The following MYBPC3 variants were observed in gnomAD, a reference collection of about 807,000 sequenced individuals.
MYBPC3 encodes the protein myosin-binding protein C, cardiac-type.
In MYBPC3, 108 loss-of-function variants were observed where a neutral mutation model predicts 159.3. The ratio of observed to expected loss-of-function variants is 0.68; its 90% CI spans 0.58 to 0.80. The LOEUF is 0.80. MYBPC3 is among the 30% of genes least tolerant of loss of function. The probability of loss-of-function intolerance (pLI) is 0.00; values close to 1 mark genes in which losing one functional copy is unlikely to be tolerated. For missense variants in MYBPC3, 1,631 were observed against 1,762.1 expected (o/e 0.93, Z 1.33); for synonymous variants, 730 against 702.0 (o/e 1.04, Z -0.63).
rs199669878 is a variant in MYBPC3 at position 47,332,658 on chromosome 11, C to T, written c.3535G>A (p.Glu1179Lys). ...PPNYKALDFSEAPSFTQPLVN... is the reference protein window; with the variant it reads ...PPNYKALDFSKAPSFTQPLVN... ...AGGGGCTGGGTGAAGCTTGGGGCCT[C>T]GGAGAAGTCCAGGGCCTTATAGTTG... Residue 1179 changes from glutamate (E) to lysine (K), a missense_variant, in exon 32 of 35, where the codon GAG becomes AAG. Physicochemically the swap from Glu to Lys is moderately conservative, Grantham distance 56. Coordinates refer to ENST00000545968, the MANE Select transcript of MYBPC3 (RefSeq NM_000256.3). The surrounding 1 kb of genome is among the most constrained non-coding windows in gnomAD (Gnocchi z 4.2). 445 of 1,613,518 alleles carry T rather than the reference C, an allele frequency of 2.8e-4. No homozygotes were observed. The highest frequency in any genetic ancestry group is 1.5e-3 in the South Asian group (133 of 91,052).
In MYBPC3 at chr11:47,332,756, C is replaced by A; in HGVS notation, c.3491-54G>T. On this transcript the variant is annotated intron_variant, in intron 31 of 34. Transcript: ENST00000545968. The surrounding 1 kb of genome is among the most constrained non-coding windows in gnomAD (Gnocchi z 4.2). ...GGGCCACACAAAGCTAGGCCCCTCT[C>A]CCTGTTCCCACAGCCTCCCTGCCCC... The A allele has an allele frequency of 6.3e-7, 1 of 1,584,752 alleles. No individual in the cohort carries two copies. The highest frequency in any genetic ancestry group is 2.3e-5 in the East Asian group (1 of 43,388).
Position 47,346,902 on chromosome 11 carries a change from CCT to C in MYBPC3, c.908+123_908+124del. The C allele has an allele frequency of 1.4e-6, 1 of 730,712 alleles. No homozygotes were observed. The highest frequency in any genetic ancestry group is 2.5e-6 in the Non-Finnish European group (1 of 402,688). The allele number at this position is 730,712 out of a possible 1,614,324, so 45.3% of individuals were successfully genotyped here. A position where few individuals can be genotyped will look rare whatever the true frequency, so the allele number is the denominator to read the frequency against. On this transcript the variant is annotated intron_variant, in intron 10 of 34. Coordinates refer to ENST00000545968, the MANE Select transcript of MYBPC3 (RefSeq NM_000256.3). The surrounding 1 kb of genome is among the most constrained non-coding windows in gnomAD (Gnocchi z 5.3). The stretch of plus-strand genomic sequence containing the variant: ...GAAGCCCAAGGCACAGAGACTCACC[CCT>C]GTCCGTGGGGAGCCGCACCCTGCTC...
rs1047978195 is a variant in MYBPC3 at position 47,342,129 on chromosome 11, A to T, written c.1652T>A (p.Ile551Asn). The T allele has an allele frequency of 6.2e-7, 1 of 1,613,856 alleles. No homozygotes were observed. The highest frequency in any genetic ancestry group is 1.3e-5 in the African/African-American group (1 of 74,920). ...QEKKLEVYQS[I>N]ADLMVGAKDQ... is the part of the protein sequence containing the mutation. The stretch of plus-strand genomic sequence containing the variant: ...CTTTGCGCCCACCATCAGGTCTGCG[A>T]TGCTCTGGTACACCTCCAGCTTCTT... Residue 551 changes from isoleucine to asparagine, a missense_variant, in exon 18 of 35, where the codon ATC becomes AAC. Coordinates refer to ENST00000545968, the MANE Select transcript of MYBPC3 (RefSeq NM_000256.3).
chr11:47,350,056 C>T lies in MYBPC3; in HGVS notation c.463G>A (p.Gly155Ser). 7 of 1,564,300 alleles carry T rather than the reference C, an allele frequency of 4.5e-6. No individual in the cohort carries two copies. Among genetic ancestry groups the T allele is most frequent in the Non-Finnish European group, 5.2e-6 (6 of 1,154,034 alleles). ...PTPGAPDDPIGLFVMRPQDGE... is the reference protein window; with the variant it reads ...PTPGAPDDPISLFVMRPQDGE... ...TCCTGTGGCCGCATCACGAAGAGGC[C>T]AATGGGGTCATCGGGGGCTCCAGGG... Residue 155 changes from glycine to serine, a missense_variant, in exon 4 of 35, where the codon GGC (glycine) becomes AGC (serine). Transcript: ENST00000545968.
In MYBPC3 at chr11:47,352,675, G is replaced by C. The variant is rs1424383393; in HGVS notation, c.-28C>G. 1.3e-6 allele frequency: 2 copies of C among 1,577,838 alleles called. No homozygotes were observed. The highest frequency in any genetic ancestry group is 3.6e-5 in the Admixed American group (2 of 54,998). On this transcript the variant is annotated 5_prime_UTR_variant, in exon 1 of 35. Coordinates refer to ENST00000545968, the MANE Select transcript of MYBPC3 (RefSeq NM_000256.3). ...TGAGAGACGTCACACCAGGCACGAA[G>C]CAGGCACAGGTCACCCAAAGAGGGA...
chr11:47,346,095 C>T lies in MYBPC3; in HGVS notation c.1090+112G>A. 1.4e-6 allele frequency: 2 copies of T among 1,444,476 alleles called. No individual in the cohort carries two copies. Among genetic ancestry groups the T allele is most frequent in the South Asian group, 1.4e-5 (1 of 73,090 alleles). 89.5% of individuals were successfully genotyped at this position (1,444,476 alleles called of 1,614,324 possible). ...GTATGTGGACGAGGTGGGGGGCTAA[C>T]CTGTGCCCTCTCCTCTCCCCTGTGG... On this transcript the variant is annotated intron_variant, in intron 12 of 34. Coordinates refer to ENST00000545968, the MANE Select transcript of MYBPC3 (RefSeq NM_000256.3). This position sits in a 1 kb window ranked among gnomAD's most constrained non-coding sequence, Gnocchi z 5.3.
chr11:47,337,458 G>T lies in MYBPC3; in HGVS notation c.2535C>A (p.Arg845=), dbSNP rs1288578869. ...TGCCGATGGCGTTGACCGCGTAGACGCGCATCTCGTACACCACGCCCTCGA... is the reference window on the plus strand; with the variant it reads ...TGCCGATGGCGTTGACCGCGTAGACTCGCATCTCGTACACCACGCCCTCGA... ...RMIEGVVYEM[R]VYAVNAIGMS... The change falls in exon 25 of 35, where the codon CGC becomes CGA. Residue 845 remains arginine (R), a synonymous_variant. Coordinates refer to ENST00000545968, the MANE Select transcript of MYBPC3 (RefSeq NM_000256.3). 3 of 1,613,576 alleles carry T rather than the reference G, an allele frequency of 1.9e-6. No homozygotes were observed. The highest frequency in any genetic ancestry group is 2.5e-6 in the Non-Finnish European group (3 of 1,179,836).
chr11:47,348,409 C>A lies in MYBPC3; in HGVS notation c.772+15G>T, dbSNP rs373912599. On this transcript the variant is annotated intron_variant, in intron 6 of 34. Coordinates refer to ENST00000545968, the MANE Select transcript of MYBPC3 (RefSeq NM_000256.3). The stretch of plus-strand genomic sequence containing the variant: ...GGGGAGCCCGAGCCCAGGACAGACA[C>A]CAGGGCCCCCTCACCGTGGACAGTG... The A allele has an allele frequency of 1.3e-6, 2 of 1,591,016 alleles. No individual in the cohort carries two copies. Among genetic ancestry groups the A allele is most frequent in the Middle Eastern group, 1.7e-4 (1 of 6,022 alleles).
chr11:47,346,671 AG>A lies in MYBPC3; in HGVS notation c.909-28del. The stretch of plus-strand genomic sequence containing the variant: ...TGCTCCAGGGGTGGGGGTGGGAGAA[AG>A]GGTAGGTGGCACATGAGAGGTATGG... On this transcript the variant is annotated intron_variant, in intron 10 of 34. Transcript: ENST00000545968. The surrounding 1 kb of genome is among the most constrained non-coding windows in gnomAD (Gnocchi z 5.3). 6.3e-7 allele frequency: 1 copy of A among 1,597,032 alleles called. No homozygotes were observed. Among genetic ancestry groups the A allele is most frequent in the Non-Finnish European group, 8.5e-7 (1 of 1,170,782 alleles).
At chr11:47,334,301 A>G (rs1330563913) in intron 27 of MYBPC3, among the ~76,000 whole-genome samples, 1 of 152,172 alleles carries the variant, frequency 6.6e-6, no homozygotes, top group Admixed American at 6.5e-5. Context: ...CTGGGCTTTG[A>G]CACCCTATGC....
chr11:47,344,616 C>T (rs367719906), intron 12 of MYBPC3, among the ~76,000 whole-genome samples: 19 of 152,314 alleles, frequency 1.2e-4, no homozygotes, highest in East Asian at 9.6e-4. Context: ...GAGTCAGCTG[C>T]GGAGGGGCAG....
At chr11:47,348,732 C>T (rs1204548373) in intron 5 of MYBPC3, among the ~76,000 whole-genome samples, 191 bp from the exon 6 acceptor site, 11 of 151,104 alleles carry the variant, frequency 7.3e-5, no homozygotes, top group African/African-American at 1.2e-4. Context: ...GGTGAAATTC[C>T]GTCTCTACTA....
intron 17 of MYBPC3, 148 bp downstream of exon 17, chr11:47,342,430 G>C: frequency 9.0e-7 from 1 of 1,105,668 alleles, no homozygotes; most frequent in Non-Finnish European, 1.2e-6. Context: ...TCATTTTAGA[G>C]ATGAGAAGGA....
chr11:47,351,711 A>C lies in MYBPC3; in HGVS notation c.26-206T>G, dbSNP rs1210937289. Among the ~76,000 whole-genome samples, 1 of 152,198 alleles carries C rather than the reference A, an allele frequency of 6.6e-6. No individual in the cohort carries two copies. Among genetic ancestry groups the C allele is most frequent in the African/African-American group, 2.4e-5 (1 of 41,442 alleles). On this transcript the variant is annotated intron_variant, in intron 1 of 34. Transcript: ENST00000545968. The surrounding 1 kb of genome is among the most constrained non-coding windows in gnomAD (Gnocchi z 4.2). The stretch of plus-strand genomic sequence containing the variant: ...AGAGAAGCTAAGCGGCTCCTCCAAG[A>C]TCACACAGCTAGCAGTCGGGAGAGC...
Position 47,351,447 on chromosome 11 carries a change from C to T in MYBPC3, c.84G>A (p.Val28=). Residue 28 remains valine, a synonymous_variant, in exon 2 of 35, where the codon GTG becomes GTA. Transcript: ENST00000545968. This position sits in a 1 kb window ranked among gnomAD's most constrained non-coding sequence, Gnocchi z 4.2. ...CTGCCCGCTCTGTCTCGGCCTCGAA[C>T]ACGGCAGGGCTGCCTGCGGCCACTT... ...SVEVAAGSPA[V]FEAETERAGV... 6.2e-7 allele frequency: 1 copy of T among 1,603,120 alleles called. No individual in the cohort carries two copies. Among genetic ancestry groups the T allele is most frequent in the Non-Finnish European group, 8.5e-7 (1 of 1,173,260 alleles).
intron 22 of MYBPC3, among the ~76,000 whole-genome samples, chr11:47,339,015 A>G (rs1282110645): frequency 6.6e-6 from 1 of 152,062 alleles, no homozygotes; most frequent in Non-Finnish European, 1.5e-5. Context: ...CTCAGAAACT[A>G]CTCCTGAGTT....
In MYBPC3 at chr11:47,332,751, CCT is replaced by C; in HGVS notation, c.3491-51_3491-50del. 1 of 1,585,172 alleles carries C rather than the reference CCT, an allele frequency of 6.3e-7. No homozygotes were observed. The highest frequency in any genetic ancestry group is 8.6e-7 in the Non-Finnish European group (1 of 1,164,874). On this transcript the variant is annotated intron_variant, in intron 31 of 34. Coordinates refer to ENST00000545968, the MANE Select transcript of MYBPC3 (RefSeq NM_000256.3). This position sits in a 1 kb window ranked among gnomAD's most constrained non-coding sequence, Gnocchi z 4.2. ...CGAGAGGGCCACACAAAGCTAGGCC[CCT>C]CTCCCTGTTCCCACAGCCTCCCTGC... is the stretch of plus-strand genomic sequence containing the variant.
At position 47,333,337 on chromosome 11, in the gene MYBPC3, C is replaced by A; in HGVS notation, c.3191-4G>T. On this transcript the variant is annotated splice_region_variant and splice_polypyrimidine_tract_variant and intron_variant, in intron 29 of 34. Coordinates refer to ENST00000545968, the MANE Select transcript of MYBPC3 (RefSeq NM_000256.3). ...TCCTGGGGAGGACTTGGCTTGTCTG[C>A]GGGAGACAGACCCAGTTGGGTCACC... The A allele has an allele frequency of 6.4e-7, 1 of 1,564,246 alleles. No homozygotes were observed.
At position 47,332,667 on chromosome 11, in the gene MYBPC3, C is replaced by T; in HGVS notation, c.3526G>A (p.Asp1176Asn). Residue 1176 changes from aspartate (D) to asparagine (N), a missense_variant, in exon 32 of 35, where the codon GAC (aspartate) becomes AAC (asparagine). By Grantham distance (23) the Asp-to-Asn change is conservative. Transcript: ENST00000545968. This position sits in a 1 kb window ranked among gnomAD's most constrained non-coding sequence, Gnocchi z 4.2. ...TYEPPNYKAL[D>N]FSEAPSFTQP... ...GTGAAGCTTGGGGCCTCGGAGAAGT[C>T]CAGGGCCTTATAGTTGGGTGGCTCA... The T allele has an allele frequency of 3.7e-6, 6 of 1,613,220 alleles. No individual in the cohort carries two copies. The highest frequency in any genetic ancestry group is 5.1e-6 in the Non-Finnish European group (6 of 1,179,584).
Sources: gnomAD v4.1 joint callset for allele counts (sites outside exome capture counted in the v4.1 genomes callset) on GRCh38, gnomAD v4.1.1 for gene constraint, Gnocchi (gnomAD v3.1) non-coding constraint, MANE v1.5 for transcripts, NCBI Gene and HGNC (gene_info 2026-07-23, HGNC 2026-07-21) for gene names.